Variants in TBCD observed in about 807,000 individuals in gnomAD.
TBCD encodes tubulin-specific chaperone D.
Under a neutral mutation model 169.3 loss-of-function variants are expected in TBCD, and 105 were observed. The observed-to-expected ratio is 0.62, with a 90% CI of 0.53 to 0.73. The LOEUF (loss-of-function observed/expected upper bound fraction) is 0.73, where lower values mean the gene tolerates loss of function less well. Ranked by LOEUF, TBCD falls within the 30% of genes least tolerant of loss-of-function variation. The pLI is 0.00. For missense variants in TBCD, 1,444 were observed against 1,600.1 expected, an observed-to-expected ratio of 0.90 and a Z score of 1.66; for synonymous variants, 700 against 643.9, an observed-to-expected ratio of 1.09 and a Z score of -1.32.
At chr17:82,816,181 C>T (rs1182807784) in intron 13 of TBCD, among the ~76,000 whole-genome samples, 5 of 152,176 alleles carry the variant, frequency 3.3e-5, no homozygotes, top group East Asian at 1.9e-4. Context: ...CCGAATTCTT[C>T]GGCTGAGTTT....
chr17:82,863,887 C>T (rs1418385209), intron 13 of TBCD, among the ~76,000 whole-genome samples: 2 of 152,190 alleles, frequency 1.3e-5, no homozygotes, highest in Admixed American at 6.5e-5. Flanking sequence ...CTGGTTTTCA[C>T]GTGGAGCTTT....
At chr17:82,882,334 C>T (rs983229736) in intron 14 of TBCD, among the ~76,000 whole-genome samples, 8 of 152,198 alleles carry the variant, frequency 5.3e-5, no homozygotes, top group Admixed American at 1.3e-4. Context: ...CAGCCCCTGA[C>T]GTTGGACATG....
At chr17:82,926,959 G>A (rs965245870) in intron 28 of TBCD, 10 of 610,558 alleles carry the variant, frequency 1.6e-5, no homozygotes, top group Non-Finnish European at 2.8e-5. Context: ...GCCGCAGGGG[G>A]CGTCCCCATC....
At chr17:82,777,245 AC>A (rs1027660217) in intron 6 of TBCD, among the ~76,000 whole-genome samples, 1 of 151,832 alleles carries the variant, frequency 6.6e-6, no homozygotes, top group African/African-American at 2.4e-5. Flanking sequence ...CTACAGTAGA[AC>A]CCCGCCCTTC....
chr17:82,773,739 T>C (rs1230787189), intron 6 of TBCD, among the ~76,000 whole-genome samples: 1 of 151,930 alleles, frequency 6.6e-6, no homozygotes, highest in African/African-American at 2.4e-5. Flanking sequence ...TTTTTTTTTT[T>C]TAATTGAGAT....
At position 82,802,478 on chromosome 17, in the gene TBCD, A is replaced by C. The variant is rs550763712; in HGVS notation, c.950+1482A>C. ...GGGAATGTTCAGTGCTGTACCAGGCAGGGTTCTCCAGAGAAGCAGAGCCCA... is the reference window on the plus strand; with the variant it reads ...GGGAATGTTCAGTGCTGTACCAGGCCGGGTTCTCCAGAGAAGCAGAGCCCA... On this transcript the variant is annotated intron_variant, in intron 9 of 38. Coordinates refer to ENST00000355528, the MANE Select transcript of TBCD (RefSeq NM_005993.5). Among the ~76,000 whole-genome samples the C allele has an allele frequency of 7.6e-4, 116 of 152,314 alleles. 1 individual carries two copies. The highest frequency in any genetic ancestry group is 2.7e-3 in the African/African-American group (113 of 41,578).
intron 5 of TBCD, among the ~76,000 whole-genome samples, chr17:82,771,193 C>T (rs937420885): frequency 1.3e-5 from 2 of 151,650 alleles, no homozygotes; most frequent in African/African-American, 4.8e-5. Flanking sequence ...ATAAATCTAG[C>T]TGGGCGTGGA....
At chr17:82,828,559 C>G (rs1159886842) in intron 13 of TBCD, among the ~76,000 whole-genome samples, 2 of 109,958 alleles carry the variant, frequency 1.8e-5, no homozygotes, top group South Asian at 7.2e-4. Context: ...GTGCCCCCCC[C>G]GATTGCACAC....
chr17:82,795,276 C>T (rs1434582009), intron 7 of TBCD, among the ~76,000 whole-genome samples: 1 of 151,928 alleles, frequency 6.6e-6, no homozygotes, highest in African/African-American at 2.4e-5. Context: ...AGCCTGTTGC[C>T]GAGAGAGACC....
chr17:82,869,282 C>G (rs912292284), intron 13 of TBCD, among the ~76,000 whole-genome samples: 1 of 152,204 alleles, frequency 6.6e-6, no homozygotes, highest in Non-Finnish European at 1.5e-5. Context: ...CATATACTTA[C>G]ACCACGTCCT....
chr17:82,943,757 T>C lies in TBCD; in HGVS notation c.*1294T>C, dbSNP rs140423603. 5.9e-5 allele frequency: 9 copies of C among 152,332 alleles called. No homozygotes were observed. The East Asian group carries it at 1.7e-3, about 29-fold the overall frequency. 9.4% of individuals were successfully genotyped at this position (152,332 alleles called of 1,614,324 possible). A position where few individuals can be genotyped will look rare whatever the true frequency, so the allele number is the denominator to read the frequency against. ...TTGTTGTGTTTGACCTGGTGGCCAA[T>C]GGTCTTTATACCCTAAAAGAGCCTT... On this transcript the variant is annotated 3_prime_UTR_variant, in exon 39 of 39. Transcript: ENST00000355528.
intron 13 of TBCD, among the ~76,000 whole-genome samples, chr17:82,850,385 G>GTCC (rs1478922590): frequency 1.8e-4 from 27 of 149,284 alleles, no homozygotes; most frequent in African/African-American, 2.5e-4. Flanking sequence ...GTTGTTGGCT[G>GTCC]TGCTGTTGTT....
At position 82,831,649 on chromosome 17, in the gene TBCD, T is replaced by C; in HGVS notation, c.1318+16715T>C. 6.2e-7 allele frequency: 1 copy of C among 1,614,074 alleles called. No individual in the cohort carries two copies. Among genetic ancestry groups the C allele is most frequent in the South Asian group, 1.1e-5 (1 of 91,078 alleles). On this transcript the variant is annotated intron_variant, in intron 13 of 38. Transcript: ENST00000355528. This position sits in a 1 kb window ranked among gnomAD's most constrained non-coding sequence, Gnocchi z 4.6. ...TCCGTAGACTGACAGCAGGGGTGCG[T>C]CACACTCAGGCGAGCTCCCAGCCAG...
Position 82,768,628 on chromosome 17 carries a change from G to A in TBCD, c.582+62G>A, listed in dbSNP as rs1382081005. On this transcript the variant is annotated intron_variant, in intron 5 of 38. Transcript: ENST00000355528. Reference sequence around the variant, plus strand: ...CTCACTTTCATGTTCATGCTGTCTTGATGTTAGTGGTTTACTCGGTAAGCT... The same window carrying A: ...CTCACTTTCATGTTCATGCTGTCTTAATGTTAGTGGTTTACTCGGTAAGCT... The A allele has an allele frequency of 1.0e-5, 16 of 1,565,408 alleles. No individual in the cohort carries two copies. The Admixed American group carries it at 1.4e-4, about 14-fold the overall frequency.
rs560691985 is a variant in TBCD, at chr17:82,874,649, T to C, written c.1475+4269T>C. ...TCTTAGAGAACCTGGGCCCCATCCC[T>C]CCTTGGCCCACGCAGACTCCAGGCA... On this transcript the variant is annotated intron_variant, in intron 14 of 38. Coordinates refer to ENST00000355528, the MANE Select transcript of TBCD (RefSeq NM_005993.5). The surrounding 1 kb of genome is among the most constrained non-coding windows in gnomAD (Gnocchi z 5.0). Among the ~76,000 whole-genome samples, 79 of 152,212 alleles carry C rather than the reference T, an allele frequency of 5.2e-4. No homozygotes were observed. The highest frequency in any genetic ancestry group is 3.7e-3 in the East Asian group (19 of 5,170).
In TBCD at chr17:82,848,519, C is replaced by G. The variant is rs546665474; in HGVS notation, c.1319-21705C>G. 2.0e-5 allele frequency among the ~76,000 whole-genome samples: 3 copies of G among 152,350 alleles called. No homozygotes were observed. The South Asian group carries it at 6.2e-4, about 32-fold the overall frequency. On this transcript the variant is annotated intron_variant, in intron 13 of 38. Transcript: ENST00000355528. ...CGCTTCGGCATTCTCACTCGCCTGA[C>G]TCAGACTTGTTAGTTTTCCAGAGCA...
chr17:82,863,093 C>T (rs866549720), intron 13 of TBCD, among the ~76,000 whole-genome samples: 4 of 152,144 alleles, frequency 2.6e-5, no homozygotes, highest in East Asian at 3.8e-4. Context: ...AGGATGGGAT[C>T]GTAATTTCTT....
rs1423142009 is a variant in TBCD at position 82,835,897 on chromosome 17, G to A, written c.1318+20963G>A. Among the ~76,000 whole-genome samples, 3 of 152,304 alleles carry A rather than the reference G, an allele frequency of 2.0e-5. No homozygotes were observed. The highest frequency in any genetic ancestry group is 4.8e-5 in the African/African-American group (2 of 41,556). On this transcript the variant is annotated intron_variant, in intron 13 of 38. Coordinates refer to ENST00000355528, the MANE Select transcript of TBCD (RefSeq NM_005993.5). This position sits in a 1 kb window ranked among gnomAD's most constrained non-coding sequence, Gnocchi z 4.5. ...TGAGTTTCTGTGTAGCAGGGACAGCGAGGCACGGTTTGGATGAGGACAAGA... is the reference window on the plus strand; with the variant it reads ...TGAGTTTCTGTGTAGCAGGGACAGCAAGGCACGGTTTGGATGAGGACAAGA...
intron 34 of TBCD, among the ~76,000 whole-genome samples, chr17:82,935,488 C>A (rs113343622): frequency 6.6e-6 from 1 of 152,040 alleles, no homozygotes; most frequent in Admixed American, 6.6e-5. Context: ...TCCCCGCCCC[C>A]ACCTGTGCTT....
Sources: allele counts gnomAD v4.1 joint callset (sites outside exome capture counted in the v4.1 genomes callset), GRCh38; gene constraint gnomAD v4.1.1; non-coding constraint Gnocchi (gnomAD v3.1); transcripts MANE v1.5; gene names NCBI Gene and HGNC (gene_info 2026-07-23, HGNC 2026-07-21).